The following TXLNB variants were observed in gnomAD, a reference collection of about 807,000 sequenced individuals.
TXLNB encodes beta-taxilin.
Under a neutral mutation model 57.4 loss-of-function variants are expected in TXLNB, and 37 were observed. The observed-to-expected ratio is 0.64, with a 90% CI of 0.50 to 0.85. The LOEUF is 0.85. Among genes scored for constraint, TXLNB ranks in the 40% least tolerant of loss-of-function variants. TXLNB has a pLI of 0.00. For missense variants in TXLNB, 848 were observed against 825.6 expected (o/e 1.03, Z -0.33); for synonymous variants, 302 against 309.6 (o/e 0.98, Z 0.26).
the TXLNB span, among the ~76,000 whole-genome samples, chr6:139,320,692 CAA>C: frequency 6.6e-6 from 1 of 151,624 alleles, no homozygotes; most frequent in African/African-American, 2.4e-5. Context: ...TTCCCATTTT[CAA>C]AAGACAAATC....
At chr6:139,286,057 C>T (rs1364780732) in intron 2 of TXLNB, among the ~76,000 whole-genome samples, 1 of 152,142 alleles carries the variant, frequency 6.6e-6, no homozygotes, top group East Asian at 1.9e-4. Flanking sequence ...GAACTTTGGC[C>T]TCTCACTCAG....
chr6:139,228,286 C>G, the TXLNB span, among the ~76,000 whole-genome samples: 1 of 152,036 alleles, frequency 6.6e-6, no homozygotes, highest in African/African-American at 2.4e-5. Flanking sequence ...GAGGCCGAGG[C>G]GGGTGGATCA....
the TXLNB span, among the ~76,000 whole-genome samples, chr6:139,160,643 G>C: frequency 6.6e-6 from 1 of 152,200 alleles, no homozygotes; most frequent in African/African-American, 2.4e-5. Flanking sequence ...TCTAACTCCT[G>C]GCCGCAAGTG....
At chr6:139,281,329 A>T (rs1281701532) in intron 2 of TXLNB, among the ~76,000 whole-genome samples, 1 of 152,124 alleles carries the variant, frequency 6.6e-6, no homozygotes, top group African/African-American at 2.4e-5. Context: ...CTTACTCCTC[A>T]CTGTCACCAC....
the TXLNB span, among the ~76,000 whole-genome samples, chr6:139,297,658 A>T: frequency 2.0e-5 from 3 of 152,298 alleles, no homozygotes; most frequent in South Asian, 6.2e-4. Flanking sequence ...TAGAATGGGG[A>T]CTACTTATTG....
the TXLNB span, among the ~76,000 whole-genome samples, chr6:139,194,600 A>C: frequency 6.6e-6 from 1 of 152,010 alleles, no homozygotes; most frequent in East Asian, 1.9e-4. Context: ...ACCTCACACA[A>C]CTCAGCACTA....
intron 4 of TXLNB, among the ~76,000 whole-genome samples, chr6:139,268,214 A>G (rs114943570): frequency 2.0e-5 from 3 of 152,046 alleles, no homozygotes; most frequent in African/African-American, 7.2e-5. Flanking sequence ...TCACCAATTC[A>G]TCAAGAGGAC....
chr6:139,210,651 G>A, the TXLNB span, among the ~76,000 whole-genome samples: 2 of 152,260 alleles, frequency 1.3e-5, no homozygotes, highest in Non-Finnish European at 2.9e-5. Context: ...AGTGGGTGCA[G>A]TGCACCGTGC....
chr6:139,189,485 T>A, the TXLNB span, among the ~76,000 whole-genome samples: 1 of 152,244 alleles, frequency 6.6e-6, no homozygotes, highest in African/African-American at 2.4e-5. Context: ...TTTCTTGGTT[T>A]ATGTGTAATT....
intron 3 of TXLNB, among the ~76,000 whole-genome samples, chr6:139,274,937 G>A (rs1218511708): frequency 6.6e-6 from 1 of 152,036 alleles, no homozygotes; most frequent in Non-Finnish European, 1.5e-5. Flanking sequence ...CCAGATTTGG[G>A]GAGAAAATAT....
chr6:139,285,182 T>C (rs1002502632), intron 2 of TXLNB, among the ~76,000 whole-genome samples: 1 of 143,570 alleles, frequency 7.0e-6, no homozygotes, highest in Non-Finnish European at 1.5e-5. Flanking sequence ...GATTATGAAA[T>C]AACTCATGGA....
chr6:139,297,454 T>C, the TXLNB span, among the ~76,000 whole-genome samples: 1 of 152,222 alleles, frequency 6.6e-6, no homozygotes, highest in Non-Finnish European at 1.5e-5. Context: ...GTAAACTAAA[T>C]GATTCACTTA....
the TXLNB span, among the ~76,000 whole-genome samples, chr6:139,312,610 TG>T: frequency 1.3e-5 from 2 of 152,182 alleles, no homozygotes; most frequent in African/African-American, 4.8e-5. Flanking sequence ...CCCCTAGGCC[TG>T]AGTGGAGTTA....
At chr6:139,185,840 A>G in the TXLNB span, among the ~76,000 whole-genome samples, 2 of 152,070 alleles carry the variant, frequency 1.3e-5, no homozygotes, top group Non-Finnish European at 2.9e-5. Context: ...AGTTTTGCCT[A>G]TCTTACTTAT....
At chr6:139,185,421 G>A in the TXLNB span, among the ~76,000 whole-genome samples, 1 of 152,198 alleles carries the variant, frequency 6.6e-6, no homozygotes, top group East Asian at 1.9e-4. Context: ...TAGAGTTGTG[G>A]CCGGGTGCAG....
the TXLNB span, among the ~76,000 whole-genome samples, chr6:139,189,712 G>A: frequency 6.6e-6 from 1 of 152,256 alleles, no homozygotes; most frequent in East Asian, 1.9e-4. Context: ...CAGCTGTGGA[G>A]GTTTGCGGGG....
At chr6:139,273,217 T>G (rs1458766830) in intron 3 of TXLNB, among the ~76,000 whole-genome samples, 3 of 152,192 alleles carry the variant, frequency 2.0e-5, no homozygotes, top group African/African-American at 7.2e-5. Context: ...TGTAAGTTGC[T>G]CAACACCATC....
At chr6:139,192,980 A>C in the TXLNB span, among the ~76,000 whole-genome samples, 3,143 of 150,908 alleles carry the variant, frequency 0.021, 115 homozygotes, top group African/African-American at 0.072. Context: ...AAAAACAAAA[A>C]AAAAAAACAA....
At chr6:139,220,286 G>T in the TXLNB span, among the ~76,000 whole-genome samples, 1 of 152,204 alleles carries the variant, frequency 6.6e-6, no homozygotes, top group African/African-American at 2.4e-5. Flanking sequence ...ATAAATTTCT[G>T]TTGTTTGTAA....
Sources: allele counts gnomAD v4.1 joint callset (sites outside exome capture counted in the v4.1 genomes callset), GRCh38; gene constraint gnomAD v4.1.1; transcripts MANE v1.5; gene names NCBI Gene and HGNC (gene_info 2026-07-23, HGNC 2026-07-21).